Variants in LINGO1 observed in about 807,000 individuals in gnomAD.
LINGO1 encodes the protein leucine-rich repeat and immunoglobulin-like domain-containing nogo receptor-interacting protein 1.
A neutral mutation model predicts 37.3 loss-of-function variants in LINGO1; 11 were observed. The ratio of observed to expected loss-of-function variants is 0.29; its 90% CI spans 0.19 to 0.49. The LOEUF (loss-of-function observed/expected upper bound fraction) is 0.49. Among genes scored for constraint, LINGO1 ranks in the 20% least tolerant of loss-of-function variants. LINGO1 has a pLI of 0.99. For missense variants in LINGO1, 585 were observed against 878.2 expected, an observed-to-expected ratio of 0.67 and a Z score of 4.22; for synonymous variants, 387 against 403.0, an observed-to-expected ratio of 0.96 and a Z score of 0.48.
intron 1 of LINGO1, among the ~76,000 whole-genome samples, chr15:77,783,758 G>A (rs2076744359): frequency 6.6e-6 from 1 of 152,210 alleles, no homozygotes; most frequent in Non-Finnish European, 1.5e-5. Context: ...GGAGTTGCCT[G>A]GAGTCCCAGA....
intron 3 of LINGO1, among the ~76,000 whole-genome samples, chr15:77,643,950 C>A (rs1449764562): frequency 6.6e-6 from 1 of 152,218 alleles, no homozygotes. Context: ...TCCCTCCCCG[C>A]TCCGCCCTCA....
chr15:77,803,770 T>TA (rs1056473420), intron 1 of LINGO1, among the ~76,000 whole-genome samples: 1 of 152,242 alleles, frequency 6.6e-6, no homozygotes, highest in African/African-American at 2.4e-5. Context: ...CTGCCATGAG[T>TA]AAAAGCTCCT....
At chr15:77,678,890 GT>G (rs796840373) in intron 2 of LINGO1, among the ~76,000 whole-genome samples, 1 of 151,862 alleles carries the variant, frequency 6.6e-6, no homozygotes, top group African/African-American at 2.4e-5. Context: ...GGGTTTTTTT[GT>G]TTTTTGTTTT....
chr15:77,657,596 T>C (rs2074892925), intron 3 of LINGO1, among the ~76,000 whole-genome samples: 1 of 152,100 alleles, frequency 6.6e-6, no homozygotes, highest in African/African-American at 2.4e-5. Flanking sequence ...CAGAGAGGGT[T>C]AGAGCTCTAC....
chr15:77,771,789 C>T (rs1205293681), intron 1 of LINGO1, among the ~76,000 whole-genome samples: 1 of 152,172 alleles, frequency 6.6e-6, no homozygotes, highest in Admixed American at 6.5e-5. Flanking sequence ...TCCACAGGGG[C>T]AGCAACTAGG....
chr15:77,672,229 G>T (rs2075263486), intron 3 of LINGO1, among the ~76,000 whole-genome samples: 1 of 151,078 alleles, frequency 6.6e-6, no homozygotes, highest in Non-Finnish European at 1.5e-5. Flanking sequence ...TCAAGCCCGG[G>T]GGGAAGCTGT....
chr15:77,742,011 C>T (rs757134414), intron 1 of LINGO1, among the ~76,000 whole-genome samples: 27 of 152,158 alleles, frequency 1.8e-4, no homozygotes, highest in Non-Finnish European at 3.5e-4. Flanking sequence ...CCTCCAATGC[C>T]AGGCAAAGGT....
intron 1 of LINGO1, among the ~76,000 whole-genome samples, chr15:77,617,509 C>T (rs994185993): frequency 6.6e-6 from 1 of 152,192 alleles, no homozygotes; most frequent in Non-Finnish European, 1.5e-5. Flanking sequence ...GTACTCATGG[C>T]CCGGAAGGGG....
At chr15:77,793,129 G>A (rs181396357) in intron 2 of LINGO1, among the ~76,000 whole-genome samples, 57 of 152,274 alleles carry the variant, frequency 3.7e-4, no homozygotes, top group Non-Finnish European at 3.1e-4. Context: ...GCTGACCCAG[G>A]AGTCTGTAAG....
chr15:77,765,078 A>G (rs527844614), intron 1 of LINGO1, among the ~76,000 whole-genome samples: 1 of 148,988 alleles, frequency 6.7e-6, no homozygotes, highest in African/African-American at 2.6e-5. Flanking sequence ...CATGGTTTTG[A>G]AAGTTGGAGA....
chr15:77,621,587 C>T (rs1209706934), intron 1 of LINGO1, among the ~76,000 whole-genome samples: 1 of 152,186 alleles, frequency 6.6e-6, no homozygotes, highest in Non-Finnish European at 1.5e-5. Context: ...GAGGGGCTGT[C>T]CTGTCAGGGT....
At chr15:77,754,858 T>C (rs1185062075) in intron 1 of LINGO1, among the ~76,000 whole-genome samples, 1 of 152,216 alleles carries the variant, frequency 6.6e-6, no homozygotes, top group African/African-American at 2.4e-5. Context: ...CTGAGGACCC[T>C]GGGAAATTCA....
chr15:77,702,936 G>A (rs2075803296), intron 2 of LINGO1, among the ~76,000 whole-genome samples: 1 of 152,238 alleles, frequency 6.6e-6, no homozygotes, highest in Non-Finnish European at 1.5e-5. Context: ...GCAGGCAACA[G>A]TCTCTTTCCT....
Position 77,632,482 on chromosome 15 carries a change from G to T in LINGO1, c.-167C>A. 3.2e-6 allele frequency: 2 copies of T among 621,682 alleles called. No individual in the cohort carries two copies. The highest frequency in any genetic ancestry group is 4.5e-6 in the Non-Finnish European group (2 of 440,648). 38.5% of individuals were successfully genotyped at this position (621,682 alleles called of 1,614,324 possible). On this transcript the variant is annotated 5_prime_UTR_variant, in exon 1 of 2. Coordinates refer to ENST00000355300, the MANE Select transcript of LINGO1 (RefSeq NM_032808.7). The surrounding 1 kb of genome is among the most constrained non-coding windows in gnomAD (Gnocchi z 6.0). ...CGCGGGGCTGGCTGTCCGTCTGTCC[G>T]CCCCGCGCGGGCGGGAGCCGAGCCG...
intron 1 of LINGO1, among the ~76,000 whole-genome samples, chr15:77,767,181 A>G (rs1255999623): frequency 2.0e-5 from 3 of 152,236 alleles, no homozygotes; most frequent in African/African-American, 7.2e-5. Context: ...AGGGAGAAAG[A>G]GAAGGTTCTA....
chr15:77,772,531 C>G (rs1265824019), intron 1 of LINGO1, among the ~76,000 whole-genome samples: 1 of 152,060 alleles, frequency 6.6e-6, no homozygotes, highest in Non-Finnish European at 1.5e-5. Flanking sequence ...CAACCTGACA[C>G]CTTGGCTTCC....
chr15:77,658,044 T>C (rs1384638666), intron 3 of LINGO1, among the ~76,000 whole-genome samples: 1 of 152,078 alleles, frequency 6.6e-6, no homozygotes, highest in Non-Finnish European at 1.5e-5. Context: ...GTCGGCACCA[T>C]CACTCTGGAT....
intron 1 of LINGO1, chr15:77,695,904 A>G (rs1229868118): frequency 1.4e-5 from 2 of 145,986 alleles, no homozygotes; most frequent in Non-Finnish European, 3.0e-5. Context: ...TTTTTTCAAG[A>G]GAGAGAAACG....
At chr15:77,696,680 C>T (rs2075699347), upstream of LINGO1, among the ~76,000 whole-genome samples, 1 of 152,228 alleles carries the variant, frequency 6.6e-6, no homozygotes, top group African/African-American at 2.4e-5. Context: ...GGGTGTCTCA[C>T]ACCCTGGGCA....
Sources: gnomAD v4.1 joint callset for allele counts (sites outside exome capture counted in the v4.1 genomes callset) on GRCh38, gnomAD v4.1.1 for gene constraint, Gnocchi (gnomAD v3.1) non-coding constraint, MANE v1.5 for transcripts, NCBI Gene and HGNC (gene_info 2026-07-23, HGNC 2026-07-21) for gene names.